Variants in TRHDE observed in about 807,000 individuals in gnomAD.
TRHDE encodes the protein thyrotropin releasing hormone degrading enzyme.
TRHDE carries 72 observed loss-of-function variants against 125.7 expected under a neutral mutation model. The ratio of observed to expected loss-of-function variants is 0.57; its 90% CI spans 0.47 to 0.70. The LOEUF is 0.70. TRHDE is among the 30% of genes least tolerant of loss of function. TRHDE has a pLI of 0.00. For missense variants in TRHDE, 1,110 were observed against 1,327.1 expected (o/e 0.84, Z 2.54); for synonymous variants, 509 against 509.1 (o/e 1.00, Z 0.00).
At chr12:72,131,164 C>T (rs950781128) in intron 2 of TRHDE, among the ~76,000 whole-genome samples, 4 of 150,482 alleles carry the variant, frequency 2.7e-5, no homozygotes, top group African/African-American at 7.4e-5. Context: ...CTCCGCCTCC[C>T]GGGTTCACGC....
rs1433761711 is a variant in TRHDE, at chr12:72,482,056, CTATT to C, written c.1584+8877_1584+8880del. Among the ~76,000 whole-genome samples the C allele has an allele frequency of 4.6e-5, 7 of 152,042 alleles. No individual in the cohort carries two copies. In the South Asian group the frequency reaches 1.5e-3, roughly 32 times the overall value. ...TATTGCTGCTACATTTTCTCTCACT[CTATT>C]CACTCATATATTTCATTCATTCTAT... On this transcript the variant is annotated intron_variant, in intron 5 of 18. Transcript: ENST00000261180.
At chr12:72,108,689 G>C (rs1875246236) in intron 2 of TRHDE, among the ~76,000 whole-genome samples, 1 of 152,088 alleles carries the variant, frequency 6.6e-6, no homozygotes, top group Admixed American at 6.6e-5. Flanking sequence ...GTTCAGAACT[G>C]CTATTAAACC....
intron 2 of TRHDE, among the ~76,000 whole-genome samples, chr12:72,332,522 G>T (rs141062238): frequency 6.6e-6 from 1 of 152,050 alleles, no homozygotes; most frequent in Non-Finnish European, 1.5e-5. Context: ...TGAGAGATCC[G>T]CCCCCATGAT....
chr12:72,454,444 A>G lies in TRHDE; in HGVS notation c.1316-15314A>G, dbSNP rs192126781. On this transcript the variant is annotated intron_variant, in intron 3 of 18. Coordinates refer to ENST00000261180, the MANE Select transcript of TRHDE (RefSeq NM_013381.3). ...TCCCTTGAAAGTGAACTAATGAGAA[A>G]GGCAGTGCTATTATGACATCTATGG... Among the ~76,000 whole-genome samples, 491 of 152,328 alleles carry G rather than the reference A, an allele frequency of 3.2e-3. 1 individual carries two copies. The highest frequency in any genetic ancestry group is 0.011 in the African/African-American group (457 of 41,582).
rs563810772 is a variant in TRHDE, at chr12:72,223,561, A to C, written n.279+117809A>C. Among the ~76,000 whole-genome samples the C allele has an allele frequency of 4.6e-5, 7 of 152,230 alleles. No individual in the cohort carries two copies. In the South Asian group the frequency reaches 1.5e-3, roughly 32 times the overall value. Reference sequence around the variant, plus strand: ...AGTACACATAGAATCTCCCTTGTTCAGTTTTTTTAAAAAGATAAATATTTT... The same window carrying C: ...AGTACACATAGAATCTCCCTTGTTCCGTTTTTTTAAAAAGATAAATATTTT... On this transcript the variant is annotated intron_variant and non_coding_transcript_variant, in intron 2 of 4. Transcript: ENST00000548156.
intron 6 of TRHDE, among the ~76,000 whole-genome samples, chr12:72,526,824 T>A (rs192102676): frequency 6.6e-6 from 1 of 152,244 alleles, no homozygotes; most frequent in Admixed American, 6.5e-5. Context: ...TACAATTTAA[T>A]GATTAAGTGG....
intron 2 of TRHDE, among the ~76,000 whole-genome samples, chr12:72,333,670 A>G (rs1295254429): frequency 6.6e-6 from 1 of 152,230 alleles, no homozygotes; most frequent in Non-Finnish European, 1.5e-5. Flanking sequence ...CCTCTTGCCC[A>G]TGTGGCATGA....
intron 1 of TRHDE, among the ~76,000 whole-genome samples, chr12:72,098,125 C>T (rs936156473): frequency 6.6e-6 from 1 of 152,090 alleles, no homozygotes; most frequent in East Asian, 1.9e-4. Flanking sequence ...TCAAGCTATC[C>T]TCCTGCCTCA....
intron 12 of TRHDE, among the ~76,000 whole-genome samples, chr12:72,593,749 A>G (rs1226221302): frequency 6.6e-6 from 1 of 152,038 alleles, no homozygotes; most frequent in East Asian, 1.9e-4. Flanking sequence ...CCCACCTATA[A>G]GTGAGAACAC....
intron 2 of TRHDE, among the ~76,000 whole-genome samples, chr12:72,375,063 CT>C (rs1871811987): frequency 6.6e-6 from 1 of 152,040 alleles, no homozygotes; most frequent in Non-Finnish European, 1.5e-5. Context: ...GGAACTGTGC[CT>C]TTGAAAAGGC....
chr12:72,411,338 T>C (rs1873500324), intron 3 of TRHDE, among the ~76,000 whole-genome samples: 1 of 151,864 alleles, frequency 6.6e-6, no homozygotes, highest in Non-Finnish European at 1.5e-5. Context: ...CAGTAATGAA[T>C]TGCATTTTTA....
At chr12:72,337,611 G>A (rs150640408) in intron 2 of TRHDE, among the ~76,000 whole-genome samples, 63 of 151,918 alleles carry the variant, frequency 4.1e-4, no homozygotes, top group African/African-American at 1.1e-3. Flanking sequence ...AGTGTGTCTC[G>A]TATGTCTTTT....
In TRHDE at chr12:72,468,795, G is replaced by A. The variant is rs1876505879; in HGVS notation, c.1316-963G>A. On this transcript the variant is annotated intron_variant, in intron 3 of 18. Coordinates refer to ENST00000261180, the MANE Select transcript of TRHDE (RefSeq NM_013381.3). ...CTGTTGCTGGAGCCAGTGCCCAGCA[G>A]GCCTGTTGCTTCACATGCAATCACC... Among the ~76,000 whole-genome samples, 5 of 152,352 alleles carry A rather than the reference G, an allele frequency of 3.3e-5. No homozygotes were observed. In the South Asian group the frequency reaches 1.0e-3, roughly 32 times the overall value.
intron 2 of TRHDE, among the ~76,000 whole-genome samples, chr12:72,122,427 T>C (rs1177537206): frequency 6.6e-6 from 1 of 152,194 alleles, no homozygotes; most frequent in East Asian, 1.9e-4. Flanking sequence ...AAATAGACTG[T>C]TTAGCCAGTT....
At chr12:72,560,298 T>C (rs1870117509) in intron 7 of TRHDE, among the ~76,000 whole-genome samples, 1 of 152,200 alleles carries the variant, frequency 6.6e-6, no homozygotes, top group African/African-American at 2.4e-5. Context: ...AACTTGAACC[T>C]TTCTCTAAAC....
intron 2 of TRHDE, among the ~76,000 whole-genome samples, chr12:72,239,174 G>T (rs1878424113): frequency 6.6e-6 from 1 of 151,812 alleles, no homozygotes; most frequent in South Asian, 2.1e-4. Flanking sequence ...GTGTTTGTTG[G>T]TTGCATAAAT....
At chr12:72,299,480 C>G (rs1880425696) in intron 2 of TRHDE, among the ~76,000 whole-genome samples, 1 of 151,324 alleles carries the variant, frequency 6.6e-6, no homozygotes, top group Non-Finnish European at 1.5e-5. Context: ...TCACATGGTA[C>G]TGAAAATCAT....
chr12:72,268,090 T>G (rs1052504032), upstream of TRHDE, among the ~76,000 whole-genome samples: 1 of 152,152 alleles, frequency 6.6e-6, no homozygotes, highest in Non-Finnish European at 1.5e-5. Flanking sequence ...AGTTTCAAAT[T>G]TCAAACTGCT....
intron 6 of TRHDE, among the ~76,000 whole-genome samples, chr12:72,516,367 G>T (rs187970666): frequency 6.6e-6 from 1 of 152,142 alleles, no homozygotes; most frequent in Non-Finnish European, 1.5e-5. Context: ...CACATCCCTT[G>T]TAAGTTCAAT....
Sources: gnomAD v4.1 joint callset for allele counts (sites outside exome capture counted in the v4.1 genomes callset) on GRCh38, gnomAD v4.1.1 for gene constraint, MANE v1.5 for transcripts, NCBI Gene and HGNC (gene_info 2026-07-23, HGNC 2026-07-21) for gene names.